The following PPP2R2D variants were observed in gnomAD, a reference collection of about 807,000 sequenced individuals.
PPP2R2D encodes the protein serine/threonine-protein phosphatase 2A 55 kDa regulatory subunit B delta isoform.
A neutral mutation model predicts 31.1 loss-of-function variants in PPP2R2D; 9 were observed. That is an observed-to-expected ratio of 0.29 (90% CI 0.17 to 0.51). The LOEUF (loss-of-function observed/expected upper bound fraction) is 0.51, where lower values mean the gene tolerates loss of function less well. Among genes scored for constraint, PPP2R2D ranks in the 20% least tolerant of loss-of-function variants. The probability of loss-of-function intolerance (pLI) is 0.98; values close to 1 mark genes in which losing one functional copy is unlikely to be tolerated. For synonymous variants in PPP2R2D, 179 were observed against 172.6 expected (o/e 1.04, Z -0.29); for missense variants, 391 against 465.6 (o/e 0.84, Z 1.48).
rs1002409239 is a variant in PPP2R2D at position 131,906,380 on chromosome 10, G to A, written c.100+5050G>A. On this transcript the variant is annotated intron_variant, in intron 2 of 8. Coordinates refer to ENST00000455566, the MANE Select transcript of PPP2R2D (RefSeq NM_018461.5). ...TAATCAGTTTCTTAATCCATGATCT[G>A]TTGCTTTGAATTAGACATTAACCTG... 7.8e-3 allele frequency among the ~76,000 whole-genome samples: 1,188 copies of A among 152,262 alleles called. 8 individuals are homozygous for A. Among genetic ancestry groups the A allele is most frequent in the Middle Eastern group, 0.017 (5 of 294 alleles).
intron 2 of PPP2R2D, among the ~76,000 whole-genome samples, chr10:131,910,897 C>T (rs1169105233): frequency 6.6e-6 from 1 of 152,176 alleles, no homozygotes; most frequent in Non-Finnish European, 1.5e-5. Context: ...TATGTATGGA[C>T]TGGGTTTGAA....
Position 131,940,156 on chromosome 10 carries a change from A to G in PPP2R2D, c.324A>G (p.Leu108=). Reference sequence around the variant, plus strand: ...AAAAAATTAATAAAATTAGGTGGTTACCACAACAGAATGCTGCTCATTTTC... The same window carrying G: ...AAAAAATTAATAAAATTAGGTGGTTGCCACAACAGAATGCTGCTCATTTTC... ...IEEKINKIRW[L]PQQNAAHFLL... is the part of the protein sequence containing the mutation. Residue 108 remains leucine, a synonymous_variant, in exon 4 of 9, where the codon TTA becomes TTG. Coordinates refer to ENST00000455566, the MANE Select transcript of PPP2R2D (RefSeq NM_018461.5). The G allele has an allele frequency of 1.3e-6, 1 of 774,042 alleles. No homozygotes were observed. The highest frequency in any genetic ancestry group is 2.4e-6 in the Non-Finnish European group (1 of 415,616). The allele number at this position is 774,042 out of a possible 1,614,324, so 47.9% of individuals were successfully genotyped here.
intron 2 of PPP2R2D, among the ~76,000 whole-genome samples, chr10:131,916,437 G>A (rs1221314287): frequency 2.0e-5 from 3 of 152,004 alleles, no homozygotes; most frequent in Non-Finnish European, 4.4e-5. Flanking sequence ...TTGCGTGGTG[G>A]TAAATGCACT....
intron 8 of PPP2R2D, among the ~76,000 whole-genome samples, chr10:131,955,429 A>G (rs1451262482): frequency 1.3e-5 from 2 of 152,226 alleles, no homozygotes; most frequent in African/African-American, 4.8e-5. Flanking sequence ...AAAATACACT[A>G]ATGTTAAAAG....
At chr10:131,961,500 A>C (rs1198447167), downstream of PPP2R2D, among the ~76,000 whole-genome samples, 3 of 152,114 alleles carry the variant, frequency 2.0e-5, no homozygotes, top group African/African-American at 7.2e-5. Flanking sequence ...ACAGACGCAC[A>C]CACCACAGCA....
At chr10:131,941,122 G>A (rs1277839335) in intron 5 of PPP2R2D, among the ~76,000 whole-genome samples, 2 of 152,122 alleles carry the variant, frequency 1.3e-5, no homozygotes, top group African/African-American at 4.8e-5. Flanking sequence ...GCTTCTCGGG[G>A]AATTTCTTTG....
the PPP2R2D span, among the ~76,000 whole-genome samples, chr10:131,965,147 CAT>C: frequency 6.6e-6 from 1 of 152,210 alleles, no homozygotes; most frequent in African/African-American, 2.4e-5. Context: ...TCAGCGAGGG[CAT>C]CTCTCCTGGC....
At chr10:131,961,600 G>A (rs1230041003), downstream of PPP2R2D, among the ~76,000 whole-genome samples, 5 of 152,162 alleles carry the variant, frequency 3.3e-5, no homozygotes, top group Non-Finnish European at 7.4e-5. Flanking sequence ...GTGACAGTGC[G>A]GGGCTGCCTA....
rs978970501 is a variant in PPP2R2D at position 131,956,145 on chromosome 10, G to A, written c.*182G>A. 2.2e-5 allele frequency: 27 copies of A among 1,246,612 alleles called. No homozygotes were observed. The highest frequency in any genetic ancestry group is 4.1e-5 in the Admixed American group (1 of 24,498). The allele number at this position is 1,246,612 out of a possible 1,614,324, so 77.2% of individuals were successfully genotyped here. On this transcript the variant is annotated 3_prime_UTR_variant, in exon 9 of 9. Coordinates refer to ENST00000455566, the MANE Select transcript of PPP2R2D (RefSeq NM_018461.5). ...GTGTGGTTCCGCCTCGGCGAGGCGC[G>A]AGACAGGCGCTGCTGCTCACGTGGA...
chr10:131,950,798 C>T (rs1175316521), intron 8 of PPP2R2D, among the ~76,000 whole-genome samples: 1 of 151,462 alleles, frequency 6.6e-6, no homozygotes, highest in Non-Finnish European at 1.5e-5. Flanking sequence ...CAGCCCCACA[C>T]AATAAATAAA....
At chr10:131,950,425 C>CT (rs1284290903) in intron 8 of PPP2R2D, among the ~76,000 whole-genome samples, 2 of 152,042 alleles carry the variant, frequency 1.3e-5, no homozygotes, top group Admixed American at 1.3e-4. Context: ...CAAATTACCT[C>CT]TGAGAGCGGA....
chr10:131,934,825 A>G, intron 3 of PPP2R2D: 1 of 521,252 alleles, frequency 1.9e-6, no homozygotes. Context: ...GGTGAGGTGC[A>G]TTTATGTGCT....
At chr10:131,932,667 A>AAAAAAAC (rs1564817986) in intron 2 of PPP2R2D, among the ~76,000 whole-genome samples, 1 of 133,176 alleles carries the variant, frequency 7.5e-6, no homozygotes, top group African/African-American at 3.4e-5. Flanking sequence ...AAAAAAAAAA[A>AAAAAAAC]ACACACAAAA....
chr10:131,927,026 G>A (rs973480710), intron 2 of PPP2R2D, among the ~76,000 whole-genome samples: 2 of 152,238 alleles, frequency 1.3e-5, no homozygotes, highest in Non-Finnish European at 2.9e-5. Flanking sequence ...GCCTAGCTTG[G>A]GTCATCCCGC....
chr10:131,970,943 T>G, the PPP2R2D span: 1 of 1,614,200 alleles, frequency 6.2e-7, no homozygotes, highest in Non-Finnish European at 8.5e-7. This position sits in a 1 kb window ranked among gnomAD's most constrained non-coding sequence, Gnocchi z 4.1. Flanking sequence ...TCAACTTCTT[T>G]CCTTCTTTCA....
rs1177882074 is a variant in PPP2R2D, at chr10:131,947,294, C to T, written c.821-236C>T. 1.3e-5 allele frequency among the ~76,000 whole-genome samples: 2 copies of T among 152,208 alleles called. No homozygotes were observed. Among genetic ancestry groups the T allele is most frequent in the Non-Finnish European group, 2.9e-5 (2 of 68,036 alleles). ...TCCGGGTGAGACTTGGGCGTCTACG[C>T]TTCTCATGCCCATCCCTTGTCCATA... On this transcript the variant is annotated intron_variant, in intron 7 of 8. Transcript: ENST00000455566. This position sits in a 1 kb window ranked among gnomAD's most constrained non-coding sequence, Gnocchi z 4.3.
intron 2 of PPP2R2D, among the ~76,000 whole-genome samples, chr10:131,922,454 G>GT (rs11298994): frequency 0.03 from 3,966 of 133,790 alleles, 127 homozygotes; most frequent in African/African-American, 0.086. Context: ...TCTGTCAATT[G>GT]TTTTTTTTTT....
intron 2 of PPP2R2D, among the ~76,000 whole-genome samples, chr10:131,914,326 T>A (rs2035735608): frequency 6.6e-6 from 1 of 152,204 alleles, no homozygotes; most frequent in Non-Finnish European, 1.5e-5. Context: ...CACCACTGCA[T>A]TCCAGCCTGG....
chr10:131,947,439 C>T lies in PPP2R2D; in HGVS notation c.821-91C>T. The stretch of plus-strand genomic sequence containing the variant: ...TTGAGGCCAAGCCCTTCCAGAGTCT[C>T]TCTGAAGGGGCCACTTCCTACTTGA... On this transcript the variant is annotated intron_variant, in intron 7 of 8. Transcript: ENST00000455566. The surrounding 1 kb of genome is among the most constrained non-coding windows in gnomAD (Gnocchi z 4.3). 7.2e-7 allele frequency: 1 copy of T among 1,396,012 alleles called. No individual in the cohort carries two copies. The highest frequency in any genetic ancestry group is 9.7e-7 in the Non-Finnish European group (1 of 1,033,066). 86.5% of individuals were successfully genotyped at this position (1,396,012 alleles called of 1,614,324 possible).
Sources: allele counts gnomAD v4.1 joint callset (sites outside exome capture counted in the v4.1 genomes callset), GRCh38; gene constraint gnomAD v4.1.1; non-coding constraint Gnocchi (gnomAD v3.1); transcripts MANE v1.5; gene names NCBI Gene and HGNC (gene_info 2026-07-23, HGNC 2026-07-21).